The following AXDND1 variants were observed in gnomAD, a reference collection of about 807,000 sequenced individuals.
AXDND1 encodes the protein axonemal dynein light chain domain-containing protein 1.
In AXDND1, 110 loss-of-function variants were observed where a neutral mutation model predicts 137.5. That is an observed-to-expected ratio of 0.80 (90% CI 0.69 to 0.94). The LOEUF is 0.94. Ranked by LOEUF, AXDND1 falls within the 40% of genes least tolerant of loss-of-function variation. The pLI is 0.00. For missense variants in AXDND1, 1,191 were observed against 1,169.8 expected (o/e 1.02, Z -0.26); for synonymous variants, 414 against 399.7 (o/e 1.04, Z -0.43).
At chr1:179,412,795 T>G (rs1395583859) in intron 12 of AXDND1, among the ~76,000 whole-genome samples, 1 of 152,170 alleles carries the variant, frequency 6.6e-6, no homozygotes, top group East Asian at 1.9e-4. Flanking sequence ...TCCCACTGAT[T>G]TCTTTAGCAA....
At chr1:179,513,053 T>C (rs1237770722) in intron 21 of AXDND1, among the ~76,000 whole-genome samples, 2 of 152,208 alleles carry the variant, frequency 1.3e-5, no homozygotes, top group East Asian at 3.8e-4. Context: ...GTCCTTTATT[T>C]CCTTCTCTTG....
In AXDND1 at chr1:179,456,411, C is replaced by T. The variant is rs144103038; in HGVS notation, c.1798+11207C>T. 7,278 of 777,146 alleles carry T rather than the reference C, an allele frequency of 9.4e-3. 360 individuals are homozygous for T. The African/African-American group carries it at 0.11, about 11-fold the overall frequency. 48.1% of individuals were successfully genotyped at this position (777,146 alleles called of 1,614,324 possible). ...GTAATTGCCAAAATCATTGTAGCTTCCACTACCTCCAAAACTGCTTCCACT... is the reference window on the plus strand; with the variant it reads ...GTAATTGCCAAAATCATTGTAGCTTTCACTACCTCCAAAACTGCTTCCACT... On this transcript the variant is annotated intron_variant, in intron 16 of 25. Transcript: ENST00000367618.
At chr1:179,471,203 C>T (rs1021802710) in intron 17 of AXDND1, among the ~76,000 whole-genome samples, 2 of 152,104 alleles carry the variant, frequency 1.3e-5, no homozygotes, top group Admixed American at 6.5e-5. Context: ...CCTGTGATGT[C>T]TTCGCCTGGT....
intron 18 of AXDND1, among the ~76,000 whole-genome samples, chr1:179,488,633 TCCTTTCTTTC>T (rs754394044): frequency 3.7e-5 from 2 of 54,026 alleles, no homozygotes; most frequent in Non-Finnish European, 3.5e-5. Context: ...TCTCTCTCTC[TCCTTTCTTTC>T]TTTCTTTCTT....
At chr1:179,553,603 G>A (rs966870932) in intron 25 of AXDND1, among the ~76,000 whole-genome samples, 2 of 152,208 alleles carry the variant, frequency 1.3e-5, no homozygotes, top group Non-Finnish European at 2.9e-5. Flanking sequence ...GGATTAAGGA[G>A]TACATGGGGG....
intron 25 of AXDND1, among the ~76,000 whole-genome samples, chr1:179,539,026 G>C (rs1460839709): frequency 3.3e-5 from 5 of 150,724 alleles, no homozygotes; most frequent in Non-Finnish European, 7.4e-5. Context: ...CCTTTTTTTT[G>C]TTTTCCATTT....
At position 179,488,014 on chromosome 1, in the gene AXDND1, A is replaced by AAG. The variant is rs1553291714; in HGVS notation, c.2092-3520_2092-3519dup. Among the ~76,000 whole-genome samples the AAG allele has an allele frequency of 9.2e-5, 12 of 130,272 alleles. 1 individual carries two copies. The highest frequency in any genetic ancestry group is 1.2e-4 in the African/African-American group (4 of 33,122). 85.5% of individuals were successfully genotyped at this position (130,272 alleles called of 152,430 possible). A position where few individuals can be genotyped will look rare whatever the true frequency, so the allele number is the denominator to read the frequency against. ...ATGTCTCAAAAAAAAAAAAAAAAAAAAGAGAAATTTCAATTCCGTCAATCA... is the reference window on the plus strand; with the variant it reads ...ATGTCTCAAAAAAAAAAAAAAAAAAAAGAGAGAAATTTCAATTCCGTCAATCA... On this transcript the variant is annotated intron_variant, in intron 18 of 25. Transcript: ENST00000367618.
At chr1:179,473,971 C>T (rs1421201288) in intron 17 of AXDND1, among the ~76,000 whole-genome samples, 1 of 152,064 alleles carries the variant, frequency 6.6e-6, no homozygotes, top group Non-Finnish European at 1.5e-5. Context: ...CACCTGTAAT[C>T]CTAACATTTT....
chr1:179,368,937 AAC>A lies in AXDND1; in HGVS notation c.236_237del (p.Asn79IlefsTer5). Reference sequence around the variant, plus strand: ...GGCCAATGCTGGTCCTTGTCCTGAAAACTTACTACCTCCTAAGAAAATTAAAA... The same window carrying A: ...GGCCAATGCTGGTCCTTGTCCTGAAATTACTACCTCCTAAGAAAATTAAAA... The part of the protein sequence containing the change: ...YAANAGPCPE[N>X]LLPPKKIKTP... On this transcript the variant is annotated frameshift_variant, in exon 3 of 26. Coordinates refer to ENST00000367618, the MANE Select transcript of AXDND1 (RefSeq NM_144696.6). LOFTEE classifies it high-confidence loss of function. The A allele has an allele frequency of 6.2e-7, 1 of 1,613,844 alleles. No homozygotes were observed. The highest frequency in any genetic ancestry group is 1.1e-5 in the South Asian group (1 of 91,064).
intron 25 of AXDND1, among the ~76,000 whole-genome samples, chr1:179,541,656 T>G (rs1672158314): frequency 6.8e-6 from 1 of 146,712 alleles, no homozygotes; most frequent in African/African-American, 2.5e-5. Context: ...ATGCATAATA[T>G]ATGCATGATA....
intron 20 of AXDND1, among the ~76,000 whole-genome samples, chr1:179,498,520 C>G (rs1189954520): frequency 6.6e-6 from 1 of 151,978 alleles, no homozygotes; most frequent in Non-Finnish European, 1.5e-5. Flanking sequence ...TTGACATTGA[C>G]CTTGGCAAAT....
rs111823970 is a variant in AXDND1 at position 179,525,390 on chromosome 1, A to T, written c.2553A>T (p.Glu851Asp). 48 of 1,612,544 alleles carry T rather than the reference A, an allele frequency of 3.0e-5. No homozygotes were observed. In the African/African-American group the frequency reaches 4.1e-4, roughly 14 times the overall value. The part of the protein sequence containing the change: ...PEIDESFKED[E>D]EESKEDRKLQ... ...TAGACGAGTCTTTTAAAGAAGATGA[A>T]GAAGAAAGTAAGGAGGATAGGAAAC... Residue 851 changes from glutamate to aspartate, a missense_variant, in exon 22 of 26, where the codon GAA (glutamate) becomes GAT (aspartate). Glu to Asp is a conservative substitution (Grantham distance 45). Transcript: ENST00000367618.
At chr1:179,518,207 G>A (rs1196769838) in intron 21 of AXDND1, among the ~76,000 whole-genome samples, 3 of 152,040 alleles carry the variant, frequency 2.0e-5, no homozygotes, top group Non-Finnish European at 4.4e-5. Context: ...GTCTTTTCTG[G>A]TTAATATGAA....
intron 16 of AXDND1, among the ~76,000 whole-genome samples, chr1:179,445,716 G>A (rs1659645428): frequency 6.6e-6 from 1 of 152,094 alleles, no homozygotes; most frequent in Non-Finnish European, 1.5e-5. Context: ...TAATAATAGT[G>A]TATGTATAAA....
chr1:179,369,917 A>G (rs903908876), intron 3 of AXDND1, 58 bp from the exon 4 acceptor site: 2 of 1,340,116 alleles, frequency 1.5e-6, no homozygotes, highest in African/African-American at 2.9e-5. Flanking sequence ...CTATTAATAC[A>G]TTTTATTTGA....
rs1673792091 is a variant in AXDND1 at position 179,554,533 on chromosome 1, T to C, written c.*14T>C. The C allele has an allele frequency of 6.2e-7, 1 of 1,614,034 alleles. No individual in the cohort carries two copies. Among genetic ancestry groups the C allele is most frequent in the Admixed American group, 1.7e-5 (1 of 59,998 alleles). On this transcript the variant is annotated 3_prime_UTR_variant, in exon 26 of 26. Coordinates refer to ENST00000367618, the MANE Select transcript of AXDND1 (RefSeq NM_144696.6). Reference sequence around the variant, plus strand: ...ACAGGTCACTGAATCCAAGGCAACCTGTGGAAAGAAGAATTCAGATGTCAG... The same window carrying C: ...ACAGGTCACTGAATCCAAGGCAACCCGTGGAAAGAAGAATTCAGATGTCAG...
chr1:179,472,164 G>T (rs533458186), intron 17 of AXDND1, among the ~76,000 whole-genome samples: 12 of 152,220 alleles, frequency 7.9e-5, no homozygotes, highest in East Asian at 3.9e-4. Flanking sequence ...CAAAGTGTTG[G>T]GATTACAGGC....
chr1:179,378,576 GCTGTTAT>G, intron 4 of AXDND1, 54 bp from the exon 5 acceptor site: 1 of 1,326,330 alleles, frequency 7.5e-7, no homozygotes, highest in Non-Finnish European at 1.0e-6. Context: ...GATCTCACCT[GCTGTTAT>G]GTGGTATCCA....
At chr1:179,522,880 A>G (rs998261888) in intron 21 of AXDND1, among the ~76,000 whole-genome samples, 1 of 123,354 alleles carries the variant, frequency 8.1e-6, no homozygotes, top group Admixed American at 9.2e-5. Flanking sequence ...ATATTTCTAT[A>G]GCATAATTTA....
Sources: gnomAD v4.1 joint callset for allele counts (sites outside exome capture counted in the v4.1 genomes callset) on GRCh38, gnomAD v4.1.1 for gene constraint, MANE v1.5 for transcripts, NCBI Gene and HGNC (gene_info 2026-07-23, HGNC 2026-07-21) for gene names.